NEDD9: variants seen among roughly 807,000 people sequenced by gnomAD.
NEDD9 encodes enhancer of filamentation 1.
Under a neutral mutation model 76.6 loss-of-function variants are expected in NEDD9, and 26 were observed. The ratio of observed to expected loss-of-function variants is 0.34; its 90% CI spans 0.25 to 0.47. NEDD9 has a LOEUF of 0.47. NEDD9 is among the 20% of genes least tolerant of loss of function. The pLI is 1.00. For synonymous variants in NEDD9, 392 were observed against 414.2 expected, an observed-to-expected ratio of 0.95 and a Z score of 0.65; for missense variants, 937 against 1,058.5, an observed-to-expected ratio of 0.89 and a Z score of 1.59.
intron 3 of NEDD9, among the ~76,000 whole-genome samples, chr6:11,295,733 C>T (rs554928685): frequency 6.6e-6 from 1 of 152,286 alleles, no homozygotes; most frequent in South Asian, 2.1e-4. Context: ...CAGCTTCCTC[C>T]TCTGCCTAAT....
chr6:11,189,269 G>A (rs907748897), intron 5 of NEDD9, among the ~76,000 whole-genome samples: 11 of 152,196 alleles, frequency 7.2e-5, no homozygotes, highest in South Asian at 6.2e-4. Context: ...ATCCCTCAAA[G>A]TGGAAGGGAA....
chr6:11,281,813 A>G (rs11969238), intron 3 of NEDD9, among the ~76,000 whole-genome samples: 11,192 of 152,016 alleles, frequency 0.074, 437 homozygotes, highest in Middle Eastern at 0.14. Context: ...GGGTGCTGTG[A>G]TGTGATCTCG....
intron 1 of NEDD9, among the ~76,000 whole-genome samples, chr6:11,361,006 A>T (rs1215748879): frequency 6.6e-6 from 1 of 152,214 alleles, no homozygotes; most frequent in Non-Finnish European, 1.5e-5. Flanking sequence ...GTGAGCGTAC[A>T]TGTGTGTGAG....
At chr6:11,348,057 C>T (rs183002170) in intron 1 of NEDD9, among the ~76,000 whole-genome samples, 2 of 152,294 alleles carry the variant, frequency 1.3e-5, no homozygotes, top group East Asian at 3.9e-4. Context: ...TCTGCCCAAA[C>T]ACTCCTTGAG....
In NEDD9 at chr6:11,247,770, G is replaced by A. The variant is rs115887158; in HGVS notation, c.13-34043C>T. 4.9e-3 allele frequency among the ~76,000 whole-genome samples: 741 copies of A among 152,270 alleles called. 3 individuals carry two copies. The highest frequency in any genetic ancestry group is 0.016 in the African/African-American group (682 of 41,554). ...TGTATTTCAAAAGATGACTTCAGTC[G>A]CATGAACACATGTATACATTTAACA... On this transcript the variant is annotated intron_variant, in intron 3 of 3. Transcript: ENST00000397378.
In NEDD9 at chr6:11,190,785, C is replaced by G; in HGVS notation, c.1084G>C (p.Val362Leu). 6.2e-7 allele frequency: 1 copy of G among 1,614,184 alleles called. No individual in the cohort carries two copies. Among genetic ancestry groups the G allele is most frequent in the Non-Finnish European group, 8.5e-7 (1 of 1,180,040 alleles). Residue 362 changes from valine to leucine, a missense_variant, in exon 5 of 7, where the codon GTG becomes CTG. Coordinates refer to ENST00000379446, the MANE Select transcript of NEDD9 (RefSeq NM_006403.4). The surrounding 1 kb of genome is among the most constrained non-coding windows in gnomAD (Gnocchi z 5.8). ...PPDAKGSRDL[V>L]DGINRLSFSS... ...AAAGACAATCGGTTGATCCCATCCA[C>G]CAAGTCCCGAGAGCCTTTAGCATCT...
At chr6:11,211,633 A>C (rs1758790731) in intron 2 of NEDD9, among the ~76,000 whole-genome samples, 1 of 152,210 alleles carries the variant, frequency 6.6e-6, no homozygotes. Flanking sequence ...TACAATTCCT[A>C]GGACAAGGAA....
Position 11,336,674 on chromosome 6 carries a change from A to G in NEDD9, c.-213-2113T>C, listed in dbSNP as rs1241977241. Reference sequence around the variant, plus strand: ...AAATACTGTACATTTAGGCTACACTACATTTATCAAACAATTTTTCTTACT... The same window carrying G: ...AAATACTGTACATTTAGGCTACACTGCATTTATCAAACAATTTTTCTTACT... On this transcript the variant is annotated intron_variant, in intron 1 of 3. Transcript: ENST00000397378. 4.6e-5 allele frequency among the ~76,000 whole-genome samples: 7 copies of G among 152,352 alleles called. No individual in the cohort carries two copies. In the East Asian group the frequency reaches 9.6e-4, roughly 21 times the overall value.
chr6:11,333,057 AGG>A (rs1424479931), intron 2 of NEDD9, among the ~76,000 whole-genome samples: 2 of 10,826 alleles, frequency 1.8e-4, no homozygotes, highest in African/African-American at 3.1e-3. Flanking sequence ...GAAGGAAGGA[AGG>A]AAGGGAGGGA....
chr6:11,364,342 T>C (rs529129005), intron 1 of NEDD9, among the ~76,000 whole-genome samples: 11 of 152,292 alleles, frequency 7.2e-5, no homozygotes, highest in Admixed American at 2.0e-4. Flanking sequence ...CTTTGCTGAT[T>C]CTGATTTGTC....
intron 1 of NEDD9, among the ~76,000 whole-genome samples, chr6:11,380,157 T>A (rs1193148305): frequency 1.3e-5 from 2 of 152,176 alleles, no homozygotes; most frequent in Non-Finnish European, 2.9e-5. Flanking sequence ...ACTCAGAGTC[T>A]AAGGTCAAAT....
chr6:11,319,688 ACACTCACACAAACATG>A (rs1332573081), intron 2 of NEDD9, among the ~76,000 whole-genome samples: 25 of 112,288 alleles, frequency 2.2e-4, no homozygotes, highest in South Asian at 1.7e-3. Flanking sequence ...ACAAACATGG[ACACTCACACAAACATG>A]CACACACAAA....
At chr6:11,309,998 G>C (rs922595986) in intron 2 of NEDD9, among the ~76,000 whole-genome samples, 1 of 151,970 alleles carries the variant, frequency 6.6e-6, no homozygotes, top group African/African-American at 2.4e-5. Flanking sequence ...TGATCCAGGG[G>C]ATACATCGAC....
At chr6:11,239,336 T>G (rs961476870) in intron 3 of NEDD9, among the ~76,000 whole-genome samples, 3 of 152,192 alleles carry the variant, frequency 2.0e-5, no homozygotes, top group African/African-American at 7.2e-5. Flanking sequence ...TTTCTTTTGT[T>G]GTAGCCCATT....
In NEDD9 at chr6:11,315,964, TA is replaced by T. The variant is rs780626194; in HGVS notation, c.-152-9810del. Among the ~76,000 whole-genome samples the T allele has an allele frequency of 5.9e-5, 9 of 152,188 alleles. 1 individual carries two copies. The highest frequency in any genetic ancestry group is 1.2e-4 in the Non-Finnish European group (8 of 68,026). On this transcript the variant is annotated intron_variant, in intron 2 of 3. Coordinates refer to the NEDD9 transcript ENST00000397378. Reference sequence around the variant, plus strand: ...TAATTGAGGGTAAAAGGCAGGGTTATAAGTCCTTTAAACCCTTTTGAGCTTA... The same window carrying T: ...TAATTGAGGGTAAAAGGCAGGGTTATAGTCCTTTAAACCCTTTTGAGCTTA...
chr6:11,266,171 C>A (rs193005850), intron 3 of NEDD9, among the ~76,000 whole-genome samples: 13 of 152,124 alleles, frequency 8.5e-5, no homozygotes, highest in Admixed American at 8.5e-4. Flanking sequence ...GCTCTTGGAC[C>A]CCATACATTT....
chr6:11,364,047 A>G (rs1302903958), intron 1 of NEDD9, among the ~76,000 whole-genome samples: 1 of 152,178 alleles, frequency 6.6e-6, no homozygotes, highest in Non-Finnish European at 1.5e-5. Context: ...GGTCCGTGAT[A>G]TGAGTGGCTC....
At chr6:11,307,133 TAAG>T (rs1761207527) in intron 2 of NEDD9, among the ~76,000 whole-genome samples, 1 of 152,034 alleles carries the variant, frequency 6.6e-6, no homozygotes, top group South Asian at 2.1e-4. Flanking sequence ...AGCAGAAAAA[TAAG>T]AAGAGTGTCT....
At chr6:11,352,769 G>C in intron 1 of NEDD9, 1 of 152,226 alleles carries the variant, frequency 6.6e-6, no homozygotes, top group East Asian at 1.9e-4. Context: ...AGTAGCACAA[G>C]AGATCCAATG....
Sources: allele counts gnomAD v4.1 joint callset (sites outside exome capture counted in the v4.1 genomes callset), GRCh38; gene constraint gnomAD v4.1.1; non-coding constraint Gnocchi (gnomAD v3.1); transcripts MANE v1.5; gene names NCBI Gene and HGNC (gene_info 2026-07-23, HGNC 2026-07-21).